PPP2R5C: variants seen among roughly 807,000 people sequenced by gnomAD.
PPP2R5C encodes the protein protein phosphatase 2 regulatory subunit B'gamma.
PPP2R5C carries 7 observed loss-of-function variants against 68.9 expected under a neutral mutation model. The ratio of observed to expected loss-of-function variants is 0.10; its 90% CI spans 0.06 to 0.19. PPP2R5C has a LOEUF of 0.19. Among genes scored for constraint, PPP2R5C ranks in the 10% least tolerant of loss-of-function variants. The pLI is 1.00. For missense variants in PPP2R5C, 348 were observed against 641.3 expected, an observed-to-expected ratio of 0.54 and a Z score of 4.94; for synonymous variants, 210 against 222.2, an observed-to-expected ratio of 0.95 and a Z score of 0.49.
At chr14:101,919,969 C>CCAAAAA (rs775818748) in intron 13 of PPP2R5C, among the ~76,000 whole-genome samples, 9 of 52,874 alleles carry the variant, frequency 1.7e-4, no homozygotes, top group Admixed American at 4.1e-4. Flanking sequence ...AACTCCGTCT[C>CCAAAAA]AAAAAAAAAA....
rs745743582 is a variant in PPP2R5C at position 101,906,379 on chromosome 14, A to G, written c.1024-23A>G. 1.9e-6 allele frequency: 3 copies of G among 1,570,028 alleles called. No individual in the cohort carries two copies. The highest frequency in any genetic ancestry group is 2.6e-6 in the Non-Finnish European group (3 of 1,159,544). On this transcript the variant is annotated intron_variant, in intron 9 of 13. Transcript: ENST00000334743. This position sits in a 1 kb window ranked among gnomAD's most constrained non-coding sequence, Gnocchi z 4.0. The stretch of plus-strand genomic sequence containing the variant: ...GATGTCTCAGGCACAACCTCCAGCA[A>G]GCCATCCACTTGTGTCTTTCAGGTG...
At chr14:101,902,015 T>G in intron 9 of PPP2R5C, 126 bp downstream of exon 11, 1 of 1,006,398 alleles carries the variant, frequency 9.9e-7, no homozygotes, top group Non-Finnish European at 1.4e-6. Flanking sequence ...AGTTTTTACT[T>G]GAATTATACT....
rs974399855 is a variant in PPP2R5C at position 101,899,770 on chromosome 14, A to G, written c.853-1949A>G. On this transcript the variant is annotated intron_variant, in intron 8 of 13. Coordinates refer to ENST00000334743, the Ensembl canonical transcript of PPP2R5C. The surrounding 1 kb of genome is among the most constrained non-coding windows in gnomAD (Gnocchi z 4.2). ...GTAGGAACACAATAAATACTTATTC[A>G]ATAGTTTTGAGCTAGGAGAACCATT... Among the ~76,000 whole-genome samples, 3 of 152,228 alleles carry G rather than the reference A, an allele frequency of 2.0e-5. No individual in the cohort carries two copies. Among genetic ancestry groups the G allele is most frequent in the Admixed American group, 6.5e-5 (1 of 15,280 alleles).
At chr14:101,853,186 G>A (rs905292192) in intron 1 of PPP2R5C, among the ~76,000 whole-genome samples, 2 of 151,700 alleles carry the variant, frequency 1.3e-5, no homozygotes, top group Non-Finnish European at 2.9e-5. Flanking sequence ...TATTTGATAG[G>A]GCCCAAGGAT....
rs977292493 is a variant in PPP2R5C, at chr14:101,917,073, C to T, written c.1327-758C>T. Among the ~76,000 whole-genome samples the T allele has an allele frequency of 2.6e-5, 4 of 152,302 alleles. No homozygotes were observed. Among genetic ancestry groups the T allele is most frequent in the Non-Finnish European group, 5.9e-5 (4 of 68,020 alleles). On this transcript the variant is annotated intron_variant, in intron 12 of 13. Coordinates refer to ENST00000334743, the Ensembl canonical transcript of PPP2R5C. The surrounding 1 kb of genome is among the most constrained non-coding windows in gnomAD (Gnocchi z 4.4). ...AGACGCTCGTCACAGTCATACTGTC[C>T]TGTGCACCCTGTCTCATGGAACCCT...
intron 3 of PPP2R5C, among the ~76,000 whole-genome samples, chr14:101,786,560 A>C (rs752513915): frequency 2.6e-5 from 4 of 152,226 alleles, no homozygotes; most frequent in Non-Finnish European, 5.9e-5. Context: ...AGTAATTGTA[A>C]AAATTATAGT....
intron 5 of PPP2R5C, among the ~76,000 whole-genome samples, chr14:101,884,599 G>A (rs961254704): frequency 2.0e-5 from 3 of 152,224 alleles, no homozygotes; most frequent in African/African-American, 4.8e-5. Context: ...TGGAGCAGCC[G>A]GTGGAGGAGG....
intron 12 of PPP2R5C, chr14:101,914,450 T>C (rs2046551783): frequency 4.5e-6 from 1 of 221,160 alleles, no homozygotes. Flanking sequence ...CAACAAAAAG[T>C]CAATAATTTT....
chr14:101,830,342 G>A (rs1417529004), intron 1 of PPP2R5C, among the ~76,000 whole-genome samples: 3 of 152,222 alleles, frequency 2.0e-5, no homozygotes, highest in Non-Finnish European at 4.4e-5. Flanking sequence ...ACAAGACACA[G>A]AGTTTCACTT....
intron 1 of PPP2R5C, chr14:101,844,144 T>TTG (rs916391626): frequency 2.8e-5 from 4 of 143,678 alleles, no homozygotes; most frequent in African/African-American, 7.9e-5. Flanking sequence ...TTTTTTTTGT[T>TTG]TTTTTTTTTT....
intron 1 of PPP2R5C, chr14:101,810,288 C>G (rs1287338080): frequency 4.5e-6 from 2 of 440,158 alleles, no homozygotes; most frequent in East Asian, 8.7e-5. Context: ...GCTCGCTCTC[C>G]CATCCCCCTT....
intron 1 of PPP2R5C, among the ~76,000 whole-genome samples, chr14:101,834,722 A>T (rs2040972646): frequency 6.6e-6 from 1 of 152,164 alleles, no homozygotes; most frequent in South Asian, 2.1e-4. Flanking sequence ...AGGAGTCTGG[A>T]TGGGGATGAG....
intron 1 of PPP2R5C, among the ~76,000 whole-genome samples, chr14:101,827,118 G>T (rs940292908): frequency 6.6e-6 from 1 of 151,526 alleles, no homozygotes; most frequent in African/African-American, 2.4e-5. Context: ...TAGGATTACA[G>T]GTGTGTGCCA....
chr14:101,874,352 A>G (rs941796808), intron 2 of PPP2R5C, among the ~76,000 whole-genome samples: 2 of 152,226 alleles, frequency 1.3e-5, no homozygotes, highest in African/African-American at 4.8e-5. Context: ...TAATGGTAAA[A>G]TCTAGATGAT....
intron 12 of PPP2R5C, 81 bp downstream of exon 14, chr14:101,912,554 G>A: frequency 7.4e-7 from 1 of 1,356,298 alleles, no homozygotes; most frequent in Non-Finnish European, 9.5e-7. Context: ...TCTTCACCAT[G>A]GGGGGGGTCT....
intron 13 of PPP2R5C, among the ~76,000 whole-genome samples, chr14:101,919,725 T>G (rs1036707550): frequency 5.9e-5 from 9 of 152,156 alleles, no homozygotes; most frequent in African/African-American, 2.2e-4. Context: ...CCCAGCACTT[T>G]GGGAGGCCGA....
At chr14:101,921,084 T>G (rs2046980928) in intron 13 of PPP2R5C, 1 of 128,338 alleles carries the variant, frequency 7.8e-6, no homozygotes, top group African/African-American at 4.6e-5. Flanking sequence ...TTTTTTTTTT[T>G]TGAGACAGGG....
chr14:101,796,992 A>C, intron 3 of PPP2R5C: 1 of 358,920 alleles, frequency 2.8e-6, no homozygotes, highest in Non-Finnish European at 5.6e-6. Flanking sequence ...ACTCGGTGGT[A>C]TTAGATACAT....
At chr14:101,774,881 C>T (rs939701261) in intron 2 of PPP2R5C, among the ~76,000 whole-genome samples, 3 of 152,318 alleles carry the variant, frequency 2.0e-5, no homozygotes, top group South Asian at 2.1e-4. Context: ...CTTCAGGGGG[C>T]GCGTGGTCTC....
Sources: gnomAD v4.1 joint callset for allele counts (sites outside exome capture counted in the v4.1 genomes callset) on GRCh38, gnomAD v4.1.1 for gene constraint, Gnocchi (gnomAD v3.1) non-coding constraint, MANE v1.5 for transcripts, NCBI Gene and HGNC (gene_info 2026-07-23, HGNC 2026-07-21) for gene names.